GNAT2: variants seen among roughly 807,000 people sequenced by gnomAD.
GNAT2 encodes guanine nucleotide-binding protein G(t) subunit alpha-2.
A neutral mutation model predicts 40.9 loss-of-function variants in GNAT2; 32 were observed. That is an observed-to-expected ratio of 0.78 (90% CI 0.59 to 1.05). The LOEUF is 1.05. Ranked by LOEUF, GNAT2 falls within the 50% of genes least tolerant of loss-of-function variation. GNAT2 has a pLI of 0.00. For synonymous variants in GNAT2, 141 were observed against 157.2 expected, an observed-to-expected ratio of 0.90 and a Z score of 0.77; for missense variants, 355 against 431.5, an observed-to-expected ratio of 0.82 and a Z score of 1.57.
intron 1 of GNAT2, chr1:109,613,959 A>T (rs938822753): frequency 6.6e-6 from 1 of 152,208 alleles, no homozygotes; most frequent in Non-Finnish European, 1.5e-5. Flanking sequence ...TGGGGGAAAA[A>T]TGAGGGTGCA....
chr1:109,610,089 A>C lies in GNAT2; in HGVS notation c.254T>G (p.Ile85Ser), dbSNP rs754606257. ...GATGCCCAGTGTGGTCATGGCCCGGATGATAGCCAGGATGGACTGCAGCAC... is the reference window on the plus strand; with the variant it reads ...GATGCCCAGTGTGGTCATGGCCCGGCTGATAGCCAGGATGGACTGCAGCAC... ...GNVLQSILAI[I>S]RAMTTLGIDY... is the part of the protein sequence containing the mutation. Residue 85 changes from isoleucine (I) to serine (S), a missense_variant, in exon 4 of 9, where the codon ATC becomes AGC. Transcript: ENST00000679935. The C allele has an allele frequency of 1.2e-6, 2 of 1,613,860 alleles. No homozygotes were observed. Among genetic ancestry groups the C allele is most frequent in the South Asian group, 2.2e-5 (2 of 91,070 alleles).
Position 109,612,736 on chromosome 1 carries a change from C to T in GNAT2, c.118+17G>A, listed in dbSNP as rs1367056229. On this transcript the variant is annotated intron_variant, in intron 2 of 8. Transcript: ENST00000679935. ...AGGACCCCTGCCTTCTCTGGCTCAT[C>T]TTCCCATCTCACTCACCCAGCAGTA... 2.1e-6 allele frequency: 3 copies of T among 1,444,844 alleles called. No homozygotes were observed. The Admixed American group carries it at 5.0e-5, about 24-fold the overall frequency. The allele number at this position is 1,444,844 out of a possible 1,614,324, so 89.5% of individuals were successfully genotyped here. A position where few individuals can be genotyped will look rare whatever the true frequency, so the allele number is the denominator to read the frequency against.
At chr1:109,610,019 C>A in intron 4 of GNAT2, 21 bp downstream of exon 4, 3 of 1,612,874 alleles carry the variant, frequency 1.9e-6, no homozygotes, top group Non-Finnish European at 2.5e-6. Context: ...CACCCTTAAC[C>A]ACATAATAGT....
intron 1 of GNAT2, among the ~76,000 whole-genome samples, chr1:109,618,574 G>T (rs1650025068): frequency 6.6e-6 from 1 of 152,174 alleles, no homozygotes; most frequent in Non-Finnish European, 1.5e-5. Flanking sequence ...TTATATCAGT[G>T]TTCAAGGCCA....
Position 109,603,286 on chromosome 1 carries a change from A to C in GNAT2, c.*68T>G, listed in dbSNP as rs755911126. ...TTCATGTCATGGTATATTGACTATA[A>C]TTTTCTGTTTTTAATTACCCAGATT... On this transcript the variant is annotated 3_prime_UTR_variant, in exon 9 of 9. Coordinates refer to ENST00000679935, the MANE Select transcript of GNAT2 (RefSeq NM_001377295.2). The C allele has an allele frequency of 1.1e-5, 9 of 841,966 alleles. No individual in the cohort carries two copies. Among genetic ancestry groups the C allele is most frequent in the Non-Finnish European group, 1.9e-5 (9 of 485,998 alleles). The allele number at this position is 841,966 out of a possible 1,614,324, so 52.2% of individuals were successfully genotyped here.
In GNAT2 at chr1:109,603,991, G is replaced by C. The variant is rs1465582550; in HGVS notation, c.834C>G (p.Ile278Met). Residue 278 changes from isoleucine to methionine, a missense_variant, in exon 8 of 9, where the codon ATC becomes ATG. Transcript: ENST00000679935. Reference protein sequence around the residue: ...LNKKDLFEEKIKKVHLSICFP... With the variant: ...LNKKDLFEEKMKKVHLSICFP... ...AACAAATGCTGAGATGGACTTTCTT[G>C]ATTTTTTCCTCAAAGAGGTCCTTCT... 1 of 1,610,672 alleles carries C rather than the reference G, an allele frequency of 6.2e-7. No homozygotes were observed. Among genetic ancestry groups the C allele is most frequent in the Non-Finnish European group, 8.5e-7 (1 of 1,177,058 alleles).
At chr1:109,609,060 C>T in intron 4 of GNAT2, 1 of 499,146 alleles carries the variant, frequency 2.0e-6, no homozygotes, top group Non-Finnish European at 3.7e-6. Flanking sequence ...TGGCTTCCAT[C>T]CTTAGTCTGA....
At position 109,605,025 on chromosome 1, in the gene GNAT2, T is replaced by C. The variant is rs1649550269; in HGVS notation, c.721-921A>G. The C allele has an allele frequency of 1.3e-5, 2 of 152,240 alleles. 1 individual carries two copies. Among genetic ancestry groups the C allele is most frequent in the Admixed American group, 1.3e-4 (2 of 15,286 alleles). 9.4% of individuals were successfully genotyped at this position (152,240 alleles called of 1,614,324 possible). ...GAATAGCTCTGTAAGACATTTTGAT[T>C]AGACGATATTCAGAGTGCTCTAATG... On this transcript the variant is annotated intron_variant, in intron 7 of 8. Coordinates refer to ENST00000679935, the MANE Select transcript of GNAT2 (RefSeq NM_001377295.2).
chr1:109,613,201 A>T (rs752230691), intron 1 of GNAT2: 64 of 361,512 alleles, frequency 1.8e-4, no homozygotes, highest in Non-Finnish European at 2.7e-4. Flanking sequence ...TAGGGAAATG[A>T]TCTGCTGGGT....
chr1:109,605,590 C>T (rs1570562024), intron 7 of GNAT2: 2 of 329,260 alleles, frequency 6.1e-6, no homozygotes, highest in Non-Finnish European at 1.2e-5. Context: ...ATGTTATTTT[C>T]TCTGTTCTGT....
rs1251016348 is a variant in GNAT2 at position 109,613,264 on chromosome 1, C to T, written c.-53-341G>A. 1.7e-5 allele frequency: 5 copies of T among 295,460 alleles called. No individual in the cohort carries two copies. In the Admixed American group the frequency reaches 2.3e-4, roughly 14 times the overall value. 18.3% of individuals were successfully genotyped at this position (295,460 alleles called of 1,614,324 possible). Reference sequence around the variant, plus strand: ...ACTTCCATCCTTTAAGGGGTTCATCCCCTGAAAGTCTCTTGCTTCCTTAGA... The same window carrying T: ...ACTTCCATCCTTTAAGGGGTTCATCTCCTGAAAGTCTCTTGCTTCCTTAGA... On this transcript the variant is annotated intron_variant, in intron 1 of 8. Coordinates refer to ENST00000679935, the MANE Select transcript of GNAT2 (RefSeq NM_001377295.2).
At chr1:109,611,223 T>C (rs1649783720) in intron 2 of GNAT2, 2 of 153,172 alleles carry the variant, frequency 1.3e-5, no homozygotes, top group South Asian at 4.0e-4. Context: ...TCTCCCAGGC[T>C]GGAGTGCAGT....
Position 109,603,587 on chromosome 1 carries a change from C to G in GNAT2, c.875-43G>C, listed in dbSNP as rs191468919. 1.2e-4 allele frequency: 156 copies of G among 1,284,830 alleles called. No individual in the cohort carries two copies. In the African/African-American group the frequency reaches 1.8e-3, roughly 15 times the overall value. The allele number at this position is 1,284,830 out of a possible 1,614,324, so 79.6% of individuals were successfully genotyped here. On this transcript the variant is annotated intron_variant, in intron 8 of 8. Coordinates refer to ENST00000679935, the MANE Select transcript of GNAT2 (RefSeq NM_001377295.2). ...TAGTGAAAAAGTAGAATAAATGAACCCTTGTTAGTTGCTGACTCACTTTAG... is the reference window on the plus strand; with the variant it reads ...TAGTGAAAAAGTAGAATAAATGAACGCTTGTTAGTTGCTGACTCACTTTAG...
intron 1 of GNAT2, chr1:109,613,287 AGATTT>A (rs1649856443): frequency 3.4e-6 from 1 of 290,176 alleles, no homozygotes; most frequent in African/African-American, 2.2e-5. Flanking sequence ...TTGCTTCCTT[AGATTT>A]ATTTGCATCA....
intron 1 of GNAT2, chr1:109,615,332 C>T (rs1639827317): frequency 6.6e-6 from 1 of 151,982 alleles, no homozygotes; most frequent in Admixed American, 6.6e-5. Context: ...CCCGTATCCA[C>T]TAAAAATACA....
chr1:109,608,134 G>T (rs966019053), intron 5 of GNAT2: 7 of 192,712 alleles, frequency 3.6e-5, no homozygotes, highest in Non-Finnish European at 4.3e-5. Flanking sequence ...CCTTGGCATC[G>T]TGACATAAGA....
chr1:109,612,283 T>A (rs919975451), intron 2 of GNAT2: 7 of 210,224 alleles, frequency 3.3e-5, no homozygotes, highest in African/African-American at 1.1e-4. Flanking sequence ...GGAACCACTA[T>A]ACTTGGCAAA....
intron 5 of GNAT2, chr1:109,608,099 T>G (rs1261028623): frequency 1.1e-5 from 2 of 186,176 alleles, no homozygotes; most frequent in Non-Finnish European, 2.3e-5. Flanking sequence ...TTCCCTTGGT[T>G]TGCCCTTGTA....
At chr1:109,610,673 A>G in intron 2 of GNAT2, 166 bp from the exon 3 acceptor site, 1 of 690,374 alleles carries the variant, frequency 1.4e-6, no homozygotes, top group Non-Finnish European at 2.6e-6. Context: ...AGCTCAGGCC[A>G]TTCAACCTGG....
Sources: gnomAD v4.1 joint callset for allele counts (sites outside exome capture counted in the v4.1 genomes callset) on GRCh38, gnomAD v4.1.1 for gene constraint, MANE v1.5 for transcripts, NCBI Gene and HGNC (gene_info 2026-07-23, HGNC 2026-07-21) for gene names.